The following FAM222B variants were observed in gnomAD, a reference collection of about 807,000 sequenced individuals.
The protein encoded by FAM222B is family with sequence similarity 222 member B.
A neutral mutation model predicts 38.0 loss-of-function variants in FAM222B; 12 were observed. The ratio of observed to expected loss-of-function variants is 0.32; its 90% confidence interval spans 0.20 to 0.51. FAM222B has a LOEUF of 0.51. Among genes scored for constraint, FAM222B ranks in the 20% least tolerant of loss-of-function variants. The pLI is 0.97. For missense variants in FAM222B, 716 were observed against 754.2 expected, an observed-to-expected ratio of 0.95 and a Z score of 0.59; for synonymous variants, 329 against 317.2, an observed-to-expected ratio of 1.04 and a Z score of -0.40.
chr17:28,771,556 C>G (rs1458462174), intron 1 of FAM222B, among the ~76,000 whole-genome samples: 1 of 151,900 alleles, frequency 6.6e-6, no homozygotes, highest in African/African-American at 2.4e-5. Context: ...TGATGGGCAC[C>G]TGTAATCCTA....
chr17:28,759,107 A>G lies in FAM222B; in HGVS notation c.852T>C (p.Thr284=). ...QFCQTRAGIS[T]TSVCEGQIAN... ...CGATCTGGCCCTCACACACTGAGGT[A>G]GTGCTGATGCCTGCCCTCGTCTGGC... The change falls in exon 3 of 3, where the codon ACT becomes ACC. Residue 284 remains threonine (T), a synonymous_variant. Coordinates refer to ENST00000581407, the MANE Select transcript of FAM222B (RefSeq NM_001077498.3). The surrounding 1 kb of genome is among the most constrained non-coding windows in gnomAD (Gnocchi z 4.8). 6.2e-7 allele frequency: 1 copy of G among 1,611,732 alleles called. No individual in the cohort carries two copies. Among genetic ancestry groups the G allele is most frequent in the Non-Finnish European group, 8.5e-7 (1 of 1,179,022 alleles).
At chr17:28,840,305 G>A (rs1339132918) in intron 1 of FAM222B, among the ~76,000 whole-genome samples, 1 of 152,098 alleles carries the variant, frequency 6.6e-6, no homozygotes, top group Non-Finnish European at 1.5e-5. Context: ...GGTGGAGGTT[G>A]CAATGAGCCG....
chr17:28,779,620 G>A (rs533066920), intron 1 of FAM222B, among the ~76,000 whole-genome samples: 57 of 152,010 alleles, frequency 3.7e-4, no homozygotes, highest in Admixed American at 1.8e-3. Context: ...GTGTGGTGGC[G>A]GGCGCCTGTA....
At chr17:28,780,133 G>T (rs567308892) in intron 1 of FAM222B, among the ~76,000 whole-genome samples, 1 of 151,908 alleles carries the variant, frequency 6.6e-6, no homozygotes, top group Non-Finnish European at 1.5e-5. Flanking sequence ...CACCATGTCC[G>T]GCTAATTTTT....
intron 1 of FAM222B, among the ~76,000 whole-genome samples, chr17:28,798,276 G>T (rs914099135): frequency 6.6e-6 from 1 of 151,932 alleles, no homozygotes; most frequent in East Asian, 1.9e-4. Context: ...CACCTACTTG[G>T]AAGGCTAAGG....
intron 1 of FAM222B, among the ~76,000 whole-genome samples, chr17:28,816,580 T>G (rs1390227236): frequency 6.6e-6 from 1 of 151,684 alleles, no homozygotes; most frequent in Non-Finnish European, 1.5e-5. Flanking sequence ...AATGTAACTC[T>G]GACACTTAAT....
At chr17:28,795,868 T>C (rs1436123108) in intron 1 of FAM222B, among the ~76,000 whole-genome samples, 1 of 152,240 alleles carries the variant, frequency 6.6e-6, no homozygotes, top group African/African-American at 2.4e-5. Context: ...GACATTTAGT[T>C]AATCTCAGTC....
intron 1 of FAM222B, among the ~76,000 whole-genome samples, chr17:28,778,368 T>TA (rs2035992647): frequency 6.6e-6 from 1 of 152,006 alleles, no homozygotes; most frequent in Non-Finnish European, 1.5e-5. Flanking sequence ...GTTCCTGTGT[T>TA]AGTTTGCTGA....
upstream of FAM222B, among the ~76,000 whole-genome samples, chr17:28,845,123 C>T (rs1376958067): frequency 6.7e-6 from 1 of 149,874 alleles, no homozygotes. Context: ...TAAATAGGGC[C>T]GGGCGCGGTG....
At chr17:28,786,237 A>G (rs1004946241) in intron 1 of FAM222B, among the ~76,000 whole-genome samples, 1 of 152,094 alleles carries the variant, frequency 6.6e-6, no homozygotes, top group East Asian at 1.9e-4. Context: ...ACTCATTCTT[A>G]TGCTTTGGCT....
At chr17:28,775,476 AC>A (rs1316428572) in intron 1 of FAM222B, among the ~76,000 whole-genome samples, 5 of 146,592 alleles carry the variant, frequency 3.4e-5, no homozygotes, top group Non-Finnish European at 7.5e-5. Context: ...AAAAAAAAAA[AC>A]ACAGACAAAA....
chr17:28,800,338 T>C (rs1279658777), intron 1 of FAM222B, among the ~76,000 whole-genome samples: 1 of 152,090 alleles, frequency 6.6e-6, no homozygotes, highest in Non-Finnish European at 1.5e-5. Flanking sequence ...CTATGAGACT[T>C]TCTTAACTAG....
chr17:28,839,876 T>C (rs1188398290), intron 1 of FAM222B, among the ~76,000 whole-genome samples: 1 of 151,632 alleles, frequency 6.6e-6, no homozygotes, highest in African/African-American at 2.4e-5. Flanking sequence ...AACAACCAGG[T>C]TCATTTTTCC....
rs1212377624 is a variant in FAM222B, at chr17:28,759,571, T to C, written c.388A>G (p.Asn130Asp). Reference sequence around the variant, plus strand: ...GTAGCATAGGGTGCCACTGGGGGGTTCATGATGGCCTCAGGGAGCAACCGG... The same window carrying C: ...GTAGCATAGGGTGCCACTGGGGGGTCCATGATGGCCTCAGGGAGCAACCGG... Reference protein sequence around the residue: ...RARLLPEAIMNPPVAPYATVA... With the variant: ...RARLLPEAIMDPPVAPYATVA... The change falls in exon 3 of 3, where the codon AAC becomes GAC. Residue 130 changes from asparagine (N) to aspartate (D), a missense_variant. Asn to Asp is a conservative substitution (Grantham distance 23). Coordinates refer to ENST00000581407, the MANE Select transcript of FAM222B (RefSeq NM_001077498.3). This position sits in a 1 kb window ranked among gnomAD's most constrained non-coding sequence, Gnocchi z 4.8. 14 of 1,611,120 alleles carry C rather than the reference T, an allele frequency of 8.7e-6. No homozygotes were observed. The highest frequency in any genetic ancestry group is 1.2e-5 in the Non-Finnish European group (14 of 1,178,562).
chr17:28,825,648 TTCA>T (rs1641258591), intron 1 of FAM222B, among the ~76,000 whole-genome samples: 1 of 152,152 alleles, frequency 6.6e-6, no homozygotes, highest in Non-Finnish European at 1.5e-5. Flanking sequence ...TCTGCTGATC[TTCA>T]TATACTCCTA....
Position 28,816,959 on chromosome 17 carries a change from T to G in FAM222B, c.-41+25723A>C, listed in dbSNP as rs147813437. ...GGAGTATAAAAATCCAAATAAAATC[T>G]GGGATTTTGTTTTACTCATTCACTA... On this transcript the variant is annotated intron_variant, in intron 1 of 2. Transcript: ENST00000581407. 4.9e-3 allele frequency among the ~76,000 whole-genome samples: 746 copies of G among 152,246 alleles called. 6 individuals carry two copies. Among genetic ancestry groups the G allele is most frequent in the Admixed American group, 0.011 (174 of 15,280 alleles).
chr17:28,767,873 T>G (rs2151789024), intron 1 of FAM222B, among the ~76,000 whole-genome samples: 1 of 152,282 alleles, frequency 6.6e-6, no homozygotes, highest in Middle Eastern at 3.4e-3. Context: ...GCTTCACCCT[T>G]CCTGACATGC....
chr17:28,815,269 A>G (rs1193017723), intron 1 of FAM222B, among the ~76,000 whole-genome samples: 1 of 150,254 alleles, frequency 6.7e-6, no homozygotes, highest in South Asian at 2.1e-4. Context: ...GCTGGAGTGC[A>G]GTGGCGCGAT....
At chr17:28,806,099 C>T (rs1364921404) in intron 1 of FAM222B, among the ~76,000 whole-genome samples, 1 of 151,960 alleles carries the variant, frequency 6.6e-6, no homozygotes, top group Admixed American at 6.6e-5. Context: ...TTGCAGTGAG[C>T]CGAGATCGCG....
Sources: allele counts gnomAD v4.1 joint callset (sites outside exome capture counted in the v4.1 genomes callset), GRCh38; gene constraint gnomAD v4.1.1; non-coding constraint Gnocchi (gnomAD v3.1); transcripts MANE v1.5; gene names NCBI Gene and HGNC (gene_info 2026-07-23, HGNC 2026-07-21).